DCC: variants seen among roughly 807,000 people sequenced by gnomAD.
DCC encodes DCC netrin 1 receptor, also known as netrin receptor DCC.
In DCC, 58 loss-of-function variants were observed where a neutral mutation model predicts 172.5. The observed-to-expected ratio is 0.34, with a 90% CI of 0.27 to 0.42. The LOEUF (loss-of-function observed/expected upper bound fraction) is 0.42. Among genes scored for constraint, DCC ranks in the 10% least tolerant of loss-of-function variants. The probability of loss-of-function intolerance (pLI) is 1.00; values close to 1 mark genes in which losing one functional copy is unlikely to be tolerated. For missense variants in DCC, 1,740 were observed against 1,791.0 expected, an observed-to-expected ratio of 0.97 and a Z score of 0.51; for synonymous variants, 709 against 644.5, an observed-to-expected ratio of 1.10 and a Z score of -1.52.
At chr18:53,090,695 CAACAAAAAAAAAAAAAA>C (rs1568298379) in intron 7 of DCC, among the ~76,000 whole-genome samples, 2 of 12,528 alleles carry the variant, frequency 1.6e-4, no homozygotes, top group African/African-American at 4.0e-4. Flanking sequence ...CTCCGTCCCC[CAACAAAAAAAAAAAAAA>C]AAAAAAAAAA....
intron 1 of DCC, among the ~76,000 whole-genome samples, chr18:52,591,764 T>C (rs1319961208): frequency 1.3e-5 from 2 of 150,870 alleles, no homozygotes; most frequent in Non-Finnish European, 2.9e-5. Flanking sequence ...TTTCTTTTTT[T>C]GTTTTTCTTT....
chr18:52,753,644 C>T (rs2145135487), intron 2 of DCC, among the ~76,000 whole-genome samples: 1 of 152,178 alleles, frequency 6.6e-6, no homozygotes, highest in Middle Eastern at 3.4e-3. Context: ...TTTCTTAACG[C>T]TTGGTAACAT....
intron 1 of DCC, among the ~76,000 whole-genome samples, chr18:52,686,189 C>T (rs1328421788): frequency 2.0e-5 from 3 of 152,130 alleles, no homozygotes; most frequent in Non-Finnish European, 2.9e-5. Flanking sequence ...CTGATCTCCT[C>T]ATTTCCATCC....
intron 2 of DCC, among the ~76,000 whole-genome samples, chr18:52,845,262 C>T (rs1442289866): frequency 6.6e-6 from 1 of 152,220 alleles, no homozygotes. Context: ...AATCAGCTTA[C>T]TTCACTTCAG....
chr18:53,498,302 A>T (rs922314383), intron 26 of DCC, among the ~76,000 whole-genome samples: 4 of 152,180 alleles, frequency 2.6e-5, no homozygotes, highest in African/African-American at 9.7e-5. Context: ...CCTGGTTAAA[A>T]ATTCTCTTTC....
chr18:53,145,014 C>T (rs1381785584), intron 7 of DCC, among the ~76,000 whole-genome samples: 1 of 151,378 alleles, frequency 6.6e-6, no homozygotes, highest in Non-Finnish European at 1.5e-5. Context: ...GTGTTTGCGT[C>T]CCTCTAAAAT....
At chr18:53,412,564 C>G (rs1456088795) in intron 20 of DCC, among the ~76,000 whole-genome samples, 4 of 152,106 alleles carry the variant, frequency 2.6e-5, no homozygotes, top group Non-Finnish European at 5.9e-5. Context: ...AAAGCTGCAG[C>G]AGAGCATACT....
chr18:53,084,173 G>A (rs2042846092), intron 7 of DCC, among the ~76,000 whole-genome samples: 1 of 152,190 alleles, frequency 6.6e-6, no homozygotes, highest in Non-Finnish European at 1.5e-5. Context: ...GAGTCCCGAG[G>A]TGGCTCAGGG....
At chr18:53,476,702 A>G (rs763937590) in intron 25 of DCC, among the ~76,000 whole-genome samples, 115 of 152,310 alleles carry the variant, frequency 7.6e-4, no homozygotes, top group Non-Finnish European at 1.4e-3. Context: ...CAGGAGGACA[A>G]TTACTTTTGA....
intron 5 of DCC, among the ~76,000 whole-genome samples, chr18:52,991,374 G>A (rs1428849460): frequency 6.6e-6 from 1 of 152,186 alleles, no homozygotes; most frequent in East Asian, 1.9e-4. Flanking sequence ...GTTGGACAGA[G>A]AATAGATATT....
At chr18:53,328,183 G>A (rs2057490019) in intron 14 of DCC, among the ~76,000 whole-genome samples, 1 of 152,184 alleles carries the variant, frequency 6.6e-6, no homozygotes, top group Non-Finnish European at 1.5e-5. Flanking sequence ...GAAGTTGCAA[G>A]TATTTTACTT....
intron 13 of DCC, among the ~76,000 whole-genome samples, chr18:53,321,340 A>C (rs1476138463): frequency 6.6e-6 from 1 of 152,162 alleles, no homozygotes; most frequent in African/African-American, 2.4e-5. Flanking sequence ...CATGTTAATG[A>C]GCTACTTTCA....
intron 5 of DCC, among the ~76,000 whole-genome samples, chr18:53,045,667 G>A (rs2042228444): frequency 1.3e-5 from 2 of 151,940 alleles, no homozygotes; most frequent in East Asian, 3.9e-4. Context: ...GACTTCTTTT[G>A]ATTTGCCCTG....
chr18:52,367,898 G>C (rs1050283084), intron 1 of DCC, among the ~76,000 whole-genome samples: 1 of 152,212 alleles, frequency 6.6e-6, no homozygotes, highest in African/African-American at 2.4e-5. Flanking sequence ...ATGCTGCTCA[G>C]AGTCACAGAG....
chr18:52,566,791 G>T (rs1439119373), intron 1 of DCC, among the ~76,000 whole-genome samples: 1 of 151,978 alleles, frequency 6.6e-6, no homozygotes, highest in Non-Finnish European at 1.5e-5. Context: ...AGCTCCCTGT[G>T]CAGGGCAAAG....
intron 3 of DCC, among the ~76,000 whole-genome samples, chr18:52,916,465 G>C (rs1409099515): frequency 6.6e-6 from 1 of 152,178 alleles, no homozygotes; most frequent in Non-Finnish European, 1.5e-5. Context: ...GGGATTGGTG[G>C]TGAGAGTAGC....
At chr18:53,431,753 G>C (rs1191329167) in intron 21 of DCC, among the ~76,000 whole-genome samples, 2 of 151,912 alleles carry the variant, frequency 1.3e-5, no homozygotes, top group Non-Finnish European at 2.9e-5. Flanking sequence ...CAAAGTTCTG[G>C]GATTACAGGC....
intron 1 of DCC, among the ~76,000 whole-genome samples, chr18:52,737,171 G>A (rs747529255): frequency 3.3e-5 from 5 of 151,974 alleles, no homozygotes; most frequent in East Asian, 1.9e-4. Context: ...TATTAGAGAC[G>A]ACGTGAAAGG....
intron 2 of DCC, among the ~76,000 whole-genome samples, chr18:52,760,439 G>A (rs114472679): frequency 5.1e-4 from 77 of 152,228 alleles, no homozygotes; most frequent in African/African-American, 1.7e-3. Context: ...TCACTTCCCC[G>A]GCTATGGGGC....
Sources: gnomAD v4.1 joint callset for allele counts (sites outside exome capture counted in the v4.1 genomes callset) on GRCh38, gnomAD v4.1.1 for gene constraint, MANE v1.5 for transcripts, NCBI Gene and HGNC (gene_info 2026-07-23, HGNC 2026-07-21) for gene names.